OR52K1: variants seen among roughly 807,000 people sequenced by gnomAD.
OR52K1 encodes the protein olfactory receptor 52K1.
In OR52K1, 10 loss-of-function variants were observed where a neutral mutation model predicts 8.7. That is an observed-to-expected ratio of 1.15 (90% CI 0.71 to 1.95). The LOEUF (loss-of-function observed/expected upper bound fraction) is 1.95, where lower values mean the gene tolerates loss of function less well. Ranked by LOEUF, OR52K1 falls within the 30% of genes most tolerant of loss-of-function variation. The pLI is 0.00. For synonymous variants in OR52K1, 203 were observed against 148.5 expected, an observed-to-expected ratio of 1.37 and a Z score of -2.67; for missense variants, 431 against 397.2, an observed-to-expected ratio of 1.08 and a Z score of -0.72.
At position 4,486,302 on chromosome 11, in the gene OR52K1, T is replaced by C. The variant is rs553847958; in HGVS notation, c.-328-2271T>C. On this transcript the variant is annotated intron_variant, in intron 1 of 1. Coordinates refer to ENST00000641528, the MANE Select transcript of OR52K1 (RefSeq NM_001005171.3). ...AGTGGATAAAAGTTCCCCTCTTCTGTGTCTAGAGTGGACAATTCTTTGGTT... is the reference window on the plus strand; with the variant it reads ...AGTGGATAAAAGTTCCCCTCTTCTGCGTCTAGAGTGGACAATTCTTTGGTT... Among the ~76,000 whole-genome samples the C allele has an allele frequency of 3.9e-5, 6 of 152,332 alleles. No homozygotes were observed. The East Asian group carries it at 1.2e-3, about 29-fold the overall frequency.
At chr11:4,484,463 G>A (rs1357749938) in intron 1 of OR52K1, among the ~76,000 whole-genome samples, 1 of 152,078 alleles carries the variant, frequency 6.6e-6, no homozygotes, top group Non-Finnish European at 1.5e-5. Flanking sequence ...CTTGATTCTA[G>A]GTTGAGCAAC....
intron 1 of OR52K1, among the ~76,000 whole-genome samples, 177 bp from the exon 2 acceptor site, chr11:4,488,396 T>C (rs748744171): frequency 1.3e-5 from 2 of 152,204 alleles, no homozygotes; most frequent in African/African-American, 4.8e-5. Context: ...GCAGATTGTG[T>C]GATTAATTTG....
intron 1 of OR52K1, among the ~76,000 whole-genome samples, chr11:4,487,791 G>A (rs534649890): frequency 4.1e-4 from 63 of 152,094 alleles, no homozygotes; most frequent in African/African-American, 1.5e-3. Flanking sequence ...ATCCTCAAAA[G>A]AATCTCATTA....
intron 1 of OR52K1, among the ~76,000 whole-genome samples, chr11:4,488,292 T>C (rs1490895690): frequency 3.9e-5 from 6 of 152,244 alleles, no homozygotes; most frequent in African/African-American, 1.2e-4. Context: ...AAGTATTTTG[T>C]ATAAATGTGA....
At chr11:4,484,322 G>A (rs1564831317) in intron 1 of OR52K1, among the ~76,000 whole-genome samples, 1 of 152,180 alleles carries the variant, frequency 6.6e-6, no homozygotes, top group Non-Finnish European at 1.5e-5. Flanking sequence ...TTGAACAAGG[G>A]TGATGGTGTT....
chr11:4,487,673 TTATTA>T (rs1186026253), intron 1 of OR52K1, among the ~76,000 whole-genome samples: 21 of 152,282 alleles, frequency 1.4e-4, no homozygotes, highest in African/African-American at 5.1e-4. Flanking sequence ...CTTAGAGCAA[TTATTA>T]TATTTCCCAA....
rs761578157 is a variant in OR52K1, at chr11:4,489,506, T to C, written c.606T>C (p.Ile202=). 3.8e-5 allele frequency: 61 copies of C among 1,614,134 alleles called. No homozygotes were observed. The highest frequency in any genetic ancestry group is 6.7e-5 in the African/African-American group (5 of 74,940). Reference sequence around the variant, plus strand: ...CTAGCTTCAACAATATCTATGGCATTGCTGTGGCCATGTTTATTGTGGTGT... The same window carrying C: ...CTAGCTTCAACAATATCTATGGCATCGCTGTGGCCATGTTTATTGTGGTGT... The part of the protein sequence containing the change: ...GDTSFNNIYG[I]AVAMFIVVLD... The change falls in exon 2 of 2, where the codon ATT becomes ATC. Residue 202 remains isoleucine (I), a synonymous_variant. Transcript: ENST00000641528.
At chr11:4,487,015 T>G (rs1187851733) in intron 1 of OR52K1, among the ~76,000 whole-genome samples, 1 of 139,820 alleles carries the variant, frequency 7.2e-6, no homozygotes, top group Non-Finnish European at 1.6e-5. Flanking sequence ...TCCAGTTGCA[T>G]GAAGCCAGGT....
intron 1 of OR52K1, among the ~76,000 whole-genome samples, chr11:4,485,236 G>A (rs2133104813): frequency 6.6e-6 from 1 of 152,292 alleles, no homozygotes; most frequent in African/African-American, 2.4e-5. Flanking sequence ...GAATATCTCA[G>A]TGTGCTCCAA....
Position 4,483,137 on chromosome 11 carries a change from G to A in OR52K1, c.-368G>A, listed in dbSNP as rs1043281661. On this transcript the variant is annotated 5_prime_UTR_variant, in exon 1 of 2. Transcript: ENST00000641528. Reference sequence around the variant, plus strand: ...AAAGGGCTTCTGCATTAGTCAAGAGGAAGAAAACGAGGCCTGAACTAGAAA... The same window carrying A: ...AAAGGGCTTCTGCATTAGTCAAGAGAAAGAAAACGAGGCCTGAACTAGAAA... 5 of 398,428 alleles carry A rather than the reference G, an allele frequency of 1.3e-5. No homozygotes were observed. The highest frequency in any genetic ancestry group is 2.2e-5 in the Non-Finnish European group (5 of 226,024). 24.7% of individuals were successfully genotyped at this position (398,428 alleles called of 1,614,324 possible). A position where few individuals can be genotyped will look rare whatever the true frequency, so the allele number is the denominator to read the frequency against.
In OR52K1 at chr11:4,485,257, A is replaced by ATCC. The variant is rs575565171; in HGVS notation, c.-329+2082_-329+2084dup. The stretch of plus-strand genomic sequence containing the variant: ...CTCAGTGTGCTCCAACTCTTCTCCC[A>ATCC]TCCATTCTTAATGTTGGGATTCAGT... On this transcript the variant is annotated intron_variant, in intron 1 of 1. Coordinates refer to ENST00000641528, the MANE Select transcript of OR52K1 (RefSeq NM_001005171.3). Among the ~76,000 whole-genome samples the ATCC allele has an allele frequency of 2.5e-3, 382 of 152,222 alleles. 2 individuals are homozygous for ATCC. The highest frequency in any genetic ancestry group is 4.2e-3 in the Non-Finnish European group (288 of 68,008).
chr11:4,489,750 CT>C lies in OR52K1; in HGVS notation c.854del (p.Phe285SerfsTer51). On this transcript the variant is annotated frameshift_variant, in exon 2 of 2. Transcript: ENST00000641528. LOFTEE classifies it high-confidence loss of function. Reference protein sequence around the residue: ...VHILLAIFYLLFPPMVNPIIY... With the variant: ...VHILLAIFYLXFPPMVNPIIY... Reference sequence around the variant, plus strand: ...CATACTCCTTGCTATTTTCTATCTCCTTTTCCCACCCATGGTCAATCCTATC... The same window carrying C: ...CATACTCCTTGCTATTTTCTATCTCCTTTCCCACCCATGGTCAATCCTATC... 5.0e-6 allele frequency: 8 copies of C among 1,614,200 alleles called. No individual in the cohort carries two copies. Among genetic ancestry groups the C allele is most frequent in the Non-Finnish European group, 6.8e-6 (8 of 1,180,028 alleles).
In OR52K1 at chr11:4,488,672, C is replaced by T. The variant is rs1846339556; in HGVS notation, c.-229C>T. The T allele has an allele frequency of 9.5e-6, 5 of 527,444 alleles. No homozygotes were observed. The highest frequency in any genetic ancestry group is 9.9e-4 in the Middle Eastern group (2 of 2,020). The allele number at this position is 527,444 out of a possible 1,614,324, so 32.7% of individuals were successfully genotyped here. On this transcript the variant is annotated 5_prime_UTR_variant, in exon 2 of 2. Transcript: ENST00000641528. ...TTAAATATCCATAGAATTGATATCC[C>T]ATCTACTCAATGAGATTCAAATTTC...
rs1365136026 is a variant in OR52K1, at chr11:4,482,899, T to C, written c.-606T>C. 4 of 371,478 alleles carry C rather than the reference T, an allele frequency of 1.1e-5. No homozygotes were observed. The highest frequency in any genetic ancestry group is 1.9e-5 in the Non-Finnish European group (4 of 209,536). The allele number at this position is 371,478 out of a possible 1,614,324, so 23.0% of individuals were successfully genotyped here. On this transcript the variant is annotated 5_prime_UTR_variant, in exon 1 of 2. Coordinates refer to ENST00000641528, the MANE Select transcript of OR52K1 (RefSeq NM_001005171.3). The stretch of plus-strand genomic sequence containing the variant: ...TATTGCTTCTACTCTGGTCCTTCAA[T>C]AGAGGGAACAGAAGTCTCGATAGTC...
Position 4,489,251 on chromosome 11 carries a change from G to T in OR52K1, c.351G>T (p.Leu117=). ...TCTCCATCATGGAGTCAGCAGTGCT[G>T]CTGGCCATGGCCTTTGACCGCTATG... The part of the protein sequence containing the change: ...HSFSIMESAV[L]LAMAFDRYVA... The change falls in exon 2 of 2, where the codon CTG becomes CTT. Residue 117 remains leucine (L), a synonymous_variant. Transcript: ENST00000641528. The T allele has an allele frequency of 1.2e-6, 2 of 1,614,160 alleles. No homozygotes were observed. Among genetic ancestry groups the T allele is most frequent in the Non-Finnish European group, 1.7e-6 (2 of 1,180,032 alleles).
intron 1 of OR52K1, among the ~76,000 whole-genome samples, chr11:4,483,764 TAAAG>T (rs907806582): frequency 6.6e-6 from 1 of 151,892 alleles, no homozygotes; most frequent in African/African-American, 2.4e-5. Context: ...TGAGATAAGG[TAAAG>T]ATGCAGCAGG....
At chr11:4,485,629 C>G (rs961005028) in intron 1 of OR52K1, among the ~76,000 whole-genome samples, 18 of 152,168 alleles carry the variant, frequency 1.2e-4, no homozygotes, top group Admixed American at 2.0e-4. Context: ...ACACTGCTAC[C>G]TTGATTCTGA....
chr11:4,492,859 T>A lies in OR52K1; in HGVS notation c.*3014T>A, dbSNP rs1247119004. ...AAGACAGCTGGGCCTGGGGGACCAGTACCACCAAGATGCAGAGACCGGTAG... is the reference window on the plus strand; with the variant it reads ...AAGACAGCTGGGCCTGGGGGACCAGAACCACCAAGATGCAGAGACCGGTAG... On this transcript the variant is annotated 3_prime_UTR_variant, in exon 2 of 2. Transcript: ENST00000641528. 4 of 193,286 alleles carry A rather than the reference T, an allele frequency of 2.1e-5. No individual in the cohort carries two copies. The highest frequency in any genetic ancestry group is 4.0e-5 in the Non-Finnish European group (4 of 98,806). The allele number at this position is 193,286 out of a possible 1,614,324, so 12.0% of individuals were successfully genotyped here.
At position 4,489,575 on chromosome 11, in the gene OR52K1, G is replaced by A. The variant is rs767295033; in HGVS notation, c.675G>A (p.Gln225=). ...FVILSYVFIL[Q]AVLQLASQEA... Reference sequence around the variant, plus strand: ...TCCTGTCTTATGTCTTCATCCTTCAGGCAGTTCTCCAGCTTGCCTCTCAGG... The same window carrying A: ...TCCTGTCTTATGTCTTCATCCTTCAAGCAGTTCTCCAGCTTGCCTCTCAGG... The change falls in exon 2 of 2, where the codon CAG becomes CAA. Residue 225 remains glutamine, a synonymous_variant. Transcript: ENST00000641528. 1 of 1,614,200 alleles carries A rather than the reference G, an allele frequency of 6.2e-7. No homozygotes were observed. The highest frequency in any genetic ancestry group is 1.7e-5 in the Admixed American group (1 of 60,024).
Sources: allele counts gnomAD v4.1 joint callset (sites outside exome capture counted in the v4.1 genomes callset), GRCh38; gene constraint gnomAD v4.1.1; transcripts MANE v1.5; gene names NCBI Gene and HGNC (gene_info 2026-07-23, HGNC 2026-07-21).